PLEKHA8: variants seen among roughly 807,000 people sequenced by gnomAD.
The protein encoded by PLEKHA8 is pleckstrin homology domain containing A8, also known as pleckstrin homology domain-containing family A member 8.
PLEKHA8 carries 36 observed loss-of-function variants against 68.2 expected under a neutral mutation model. The ratio of observed to expected loss-of-function variants is 0.53; its 90% CI spans 0.40 to 0.70. The LOEUF is 0.70. PLEKHA8 is among the 30% of genes least tolerant of loss of function. The pLI is 0.00. For synonymous variants in PLEKHA8, 211 were observed against 216.1 expected (o/e 0.98, Z 0.20); for missense variants, 505 against 615.4 (o/e 0.82, Z 1.90).
chr7:30,063,484 C>T (rs1219952501), intron 12 of PLEKHA8, among the ~76,000 whole-genome samples: 4 of 151,912 alleles, frequency 2.6e-5, no homozygotes, highest in South Asian at 4.1e-4. Context: ...GGCCATGAGG[C>T]GTGTGTGGAG....
chr7:30,089,398 C>T (rs1795317247), downstream of PLEKHA8, among the ~76,000 whole-genome samples: 1 of 151,018 alleles, frequency 6.6e-6, no homozygotes, highest in Non-Finnish European at 1.5e-5. Context: ...TGGCCCAGAG[C>T]TATGACCAAC....
At position 30,080,440 on chromosome 7, in the gene PLEKHA8, C is replaced by T; in HGVS notation, c.*1653C>T. ...AGGGGCTTGGTTGAATTGAGAGCATCATCTCTAGATGATGCTGTTCCTGCT... is the reference window on the plus strand; with the variant it reads ...AGGGGCTTGGTTGAATTGAGAGCATTATCTCTAGATGATGCTGTTCCTGCT... On this transcript the variant is annotated 3_prime_UTR_variant, in exon 14 of 14. Transcript: ENST00000449726. The T allele has an allele frequency of 2.0e-6, 2 of 985,284 alleles. No homozygotes were observed. The highest frequency in any genetic ancestry group is 2.4e-6 in the Non-Finnish European group (2 of 829,888). The allele number at this position is 985,284 out of a possible 1,614,324, so 61.0% of individuals were successfully genotyped here.
intron 9 of PLEKHA8, among the ~76,000 whole-genome samples, chr7:30,060,501 A>G (rs1341797470): frequency 2.0e-5 from 3 of 152,154 alleles, no homozygotes; most frequent in Non-Finnish European, 4.4e-5. Flanking sequence ...TTTCATACTC[A>G]GTCTTCCTAA....
intron 13 of PLEKHA8, among the ~76,000 whole-genome samples, chr7:30,076,882 A>C (rs917205963): frequency 6.6e-6 from 1 of 152,226 alleles, no homozygotes; most frequent in Non-Finnish European, 1.5e-5. Flanking sequence ...CATTGTTTAC[A>C]TCCAAGGAAT....
At chr7:30,104,485 C>G (rs1468207140) in intron 13 of PLEKHA8, among the ~76,000 whole-genome samples, 1 of 152,106 alleles carries the variant, frequency 6.6e-6, no homozygotes, top group Non-Finnish European at 1.5e-5. Flanking sequence ...TGGAATACCA[C>G]TCAGCAATAA....
At chr7:30,056,724 CAA>C (rs1195453987) in intron 9 of PLEKHA8, among the ~76,000 whole-genome samples, 8 of 39,890 alleles carry the variant, frequency 2.0e-4, no homozygotes, top group Admixed American at 4.0e-4. Flanking sequence ...CAGCCTGTCT[CAA>C]AAAAAAAAAA....
At chr7:30,055,161 A>G (rs964515878) in intron 8 of PLEKHA8, 96 bp from the exon 9 acceptor site, 2 of 1,101,734 alleles carry the variant, frequency 1.8e-6, no homozygotes, top group African/African-American at 1.5e-5. Context: ...GATTTGCCCT[A>G]CAGAGAGGCA....
At chr7:30,044,996 G>A (rs529458950) in intron 1 of PLEKHA8, 89 bp from the exon 2 acceptor site, 211 of 816,298 alleles carry the variant, frequency 2.6e-4, no homozygotes, top group Non-Finnish European at 3.7e-4. Flanking sequence ...AGCTAACCCA[G>A]TATCCTATGT....
At chr7:30,070,407 T>A (rs1794157929) in intron 12 of PLEKHA8, among the ~76,000 whole-genome samples, 1 of 152,164 alleles carries the variant, frequency 6.6e-6, no homozygotes, top group South Asian at 2.1e-4. Flanking sequence ...TCACAGCACC[T>A]TTGTCTTCCT....
chr7:30,055,190 C>A (rs951378899), intron 8 of PLEKHA8, 67 bp from the exon 9 acceptor site: 1 of 1,405,364 alleles, frequency 7.1e-7, no homozygotes, highest in African/African-American at 1.4e-5. Context: ...TATGACTTAC[C>A]TCTGAATTGC....
intron 12 of PLEKHA8, among the ~76,000 whole-genome samples, chr7:30,071,041 G>GA (rs1308428252): frequency 1.3e-5 from 2 of 152,258 alleles, no homozygotes; most frequent in Admixed American, 6.5e-5. Context: ...TGTACAGGGG[G>GA]AAAAAACTAG....
intron 6 of PLEKHA8, among the ~76,000 whole-genome samples, chr7:30,051,370 A>G (rs1251821943): frequency 2.0e-5 from 3 of 149,462 alleles, no homozygotes; most frequent in Non-Finnish European, 3.0e-5. Flanking sequence ...ATGCTCCTAC[A>G]TTTTGAATTA....
At chr7:30,108,588 G>A (rs968184257) in intron 13 of PLEKHA8, among the ~76,000 whole-genome samples, 1 of 152,076 alleles carries the variant, frequency 6.6e-6, no homozygotes, top group Non-Finnish European at 1.5e-5. Context: ...TTCTTCTTGA[G>A]TAGTTCTGTT....
intron 13 of PLEKHA8, among the ~76,000 whole-genome samples, chr7:30,107,438 A>G (rs1427639157): frequency 6.6e-6 from 1 of 152,010 alleles, no homozygotes; most frequent in Non-Finnish European, 1.5e-5. Flanking sequence ...TTGTTAATAT[A>G]CCTGTTTTGG....
chr7:30,082,429 A>C lies in PLEKHA8; in HGVS notation c.*3642A>C. 3.0e-6 allele frequency: 3 copies of C among 985,222 alleles called. No homozygotes were observed. The highest frequency in any genetic ancestry group is 3.6e-6 in the Non-Finnish European group (3 of 829,894). The allele number at this position is 985,222 out of a possible 1,614,324, so 61.0% of individuals were successfully genotyped here. On this transcript the variant is annotated 3_prime_UTR_variant, in exon 14 of 14. Transcript: ENST00000449726. ...AGGGCTGCGTGCCTGATCAGTGGGGATTCTGTTCCCCCACCCCCCAGACTG... is the reference window on the plus strand; with the variant it reads ...AGGGCTGCGTGCCTGATCAGTGGGGCTTCTGTTCCCCCACCCCCCAGACTG...
intron 7 of PLEKHA8, among the ~76,000 whole-genome samples, chr7:30,053,916 T>A (rs1792617284): frequency 6.6e-6 from 1 of 152,218 alleles, no homozygotes; most frequent in Non-Finnish European, 1.5e-5. Flanking sequence ...TTTATGTGTG[T>A]TTTCATTTAA....
At chr7:30,105,947 G>A (rs570946283) in intron 13 of PLEKHA8, among the ~76,000 whole-genome samples, 1 of 152,140 alleles carries the variant, frequency 6.6e-6, no homozygotes, top group South Asian at 2.1e-4. Flanking sequence ...GGTGATTAGT[G>A]CTTGTGTTTA....
chr7:30,061,846 TTG>T, intron 10 of PLEKHA8, 49 bp from the exon 11 acceptor site: 1 of 1,608,510 alleles, frequency 6.2e-7, no homozygotes, highest in Non-Finnish European at 8.5e-7. Context: ...ACTGAGTTGC[TTG>T]ATAACTTCAG....
intron 9 of PLEKHA8, among the ~76,000 whole-genome samples, chr7:30,058,249 C>T (rs942770235): frequency 6.6e-6 from 1 of 152,024 alleles, no homozygotes; most frequent in Non-Finnish European, 1.5e-5. Flanking sequence ...CATGGCTTGC[C>T]TCCTCCTTTT....
Sources: gnomAD v4.1 joint callset for allele counts (sites outside exome capture counted in the v4.1 genomes callset) on GRCh38, gnomAD v4.1.1 for gene constraint, MANE v1.5 for transcripts, NCBI Gene and HGNC (gene_info 2026-07-23, HGNC 2026-07-21) for gene names.